USP24: variants seen among roughly 807,000 people sequenced by gnomAD.
USP24 encodes ubiquitin carboxyl-terminal hydrolase 24.
Under a neutral mutation model 361.6 loss-of-function variants are expected in USP24, and 97 were observed. The ratio of observed to expected loss-of-function variants is 0.27; its 90% CI spans 0.23 to 0.32. The LOEUF is 0.32. USP24 is among the 10% of genes least tolerant of loss of function. The pLI is 1.00. For missense variants in USP24, 2,353 were observed against 3,165.6 expected (o/e 0.74, Z 6.16); for synonymous variants, 1,098 against 1,124.6 (o/e 0.98, Z 0.47).
chr1:55,152,268 TCTC>T (rs1331799743), intron 16 of USP24, among the ~76,000 whole-genome samples: 4 of 152,106 alleles, frequency 2.6e-5, no homozygotes, highest in Admixed American at 6.6e-5. Flanking sequence ...CTCCAAAAAT[TCTC>T]CTTTTACTTT....
At chr1:55,162,412 G>A in intron 7 of USP24, 148 bp from the exon 8 acceptor site, 2 of 523,808 alleles carry the variant, frequency 3.8e-6, no homozygotes, top group Non-Finnish European at 3.2e-6. Context: ...CTAAACTCCT[G>A]GATAGAAAGA....
chr1:55,188,680 C>G (rs551579897), intron 1 of USP24, among the ~76,000 whole-genome samples: 1 of 151,882 alleles, frequency 6.6e-6, no homozygotes, highest in Non-Finnish European at 1.5e-5. Flanking sequence ...GGAAAGAAGC[C>G]GGGCATGGTG....
chr1:55,165,274 T>C (rs1648712176), intron 7 of USP24, among the ~76,000 whole-genome samples: 1 of 152,104 alleles, frequency 6.6e-6, no homozygotes, highest in Non-Finnish European at 1.5e-5. Flanking sequence ...TAGTTTTTAG[T>C]TGAATGATTA....
chr1:55,078,616 G>A lies in USP24; in HGVS notation c.7236C>T (p.Leu2412=), dbSNP rs529199378. ...ACACTACCATCTCAATGAGTGCCAA[G>A]AGCGAGCCTGTCAGCTCCCGCAAAG... ...MFALRELTGS[L]LALIEMVVYC... is the part of the protein sequence containing the mutation. Residue 2412 remains leucine, a synonymous_variant, in exon 61 of 68, where the codon CTC becomes CTT. Coordinates refer to ENST00000294383, the MANE Select transcript of USP24 (RefSeq NM_015306.3). 1.2e-6 allele frequency: 2 copies of A among 1,610,986 alleles called. No homozygotes were observed. The highest frequency in any genetic ancestry group is 2.2e-5 in the East Asian group (1 of 44,782).
chr1:55,079,177 G>T (rs1645091794), intron 60 of USP24, among the ~76,000 whole-genome samples: 1 of 152,112 alleles, frequency 6.6e-6, no homozygotes. Flanking sequence ...CCACACTCCT[G>T]AGGTTTAACA....
At position 55,083,261 on chromosome 1, in the gene USP24, G is replaced by T. The variant is rs138995515; in HGVS notation, c.6975+11C>A. 598 of 1,612,912 alleles carry T rather than the reference G, an allele frequency of 3.7e-4. 3 individuals are homozygous for T. The East Asian group carries it at 0.012, about 32-fold the overall frequency. On this transcript the variant is annotated intron_variant, in intron 58 of 67. Transcript: ENST00000294383. ...TAGCTATTCCACTAGGGATATAAAA[G>T]TAGTCCTTACCTGATTGTTTTGCCG...
At chr1:55,120,479 A>G in intron 38 of USP24, 117 bp downstream of exon 38, 1 of 1,249,848 alleles carries the variant, frequency 8.0e-7, no homozygotes, top group South Asian at 1.8e-5. Flanking sequence ...AAATTTCAGA[A>G]GAAGAAAGAA....
chr1:55,095,303 T>C lies in USP24; in HGVS notation c.6155A>G (p.Lys2052Arg), dbSNP rs1162427912. 2 of 1,613,652 alleles carry C rather than the reference T, an allele frequency of 1.2e-6. No homozygotes were observed. The highest frequency in any genetic ancestry group is 1.7e-6 in the Non-Finnish European group (2 of 1,179,826). ...CCGTACAACGCTGACTCGACTTTTC[T>C]TTGGTAATACTGGGGAGTTCTGATC... The part of the protein sequence containing the change: ...VSDQNSPVLP[K>R]KSRVSVVRQE... Residue 2052 changes from lysine to arginine, a missense_variant, in exon 51 of 68, where the codon AAG becomes AGG. Physicochemically the swap from Lys to Arg is conservative, Grantham distance 26 (BLOSUM62 2). Coordinates refer to ENST00000294383, the MANE Select transcript of USP24 (RefSeq NM_015306.3).
intron 58 of USP24, 113 bp downstream of exon 58, chr1:55,083,159 G>A: frequency 1.1e-6 from 1 of 950,276 alleles, no homozygotes; most frequent in Non-Finnish European, 1.5e-6. Flanking sequence ...AAGTCTCTAT[G>A]GTACTACTAC....
intron 41 of USP24, among the ~76,000 whole-genome samples, chr1:55,105,157 A>G (rs541959170): frequency 6.6e-5 from 10 of 152,300 alleles, no homozygotes; most frequent in South Asian, 2.1e-4. Context: ...TGCTAAAGAT[A>G]TATCTTTTGT....
rs1234296881 is a variant in USP24 at position 55,107,280 on chromosome 1, T to G, written c.4721A>C (p.Lys1574Thr). 6.2e-7 allele frequency: 1 copy of G among 1,613,768 alleles called. No individual in the cohort carries two copies. The highest frequency in any genetic ancestry group is 1.7e-5 in the Admixed American group (1 of 59,962). ...TGCCCCACAGAGTGAAAGAAGGGTC[T>G]TGATGAGGCGTAAGTGCCCTGCCAG... ...ILLAGHLRLIKTLLSLCGAEK... is the reference protein window; with the variant it reads ...ILLAGHLRLITTLLSLCGAEK... The change falls in exon 40 of 68, where the codon AAG becomes ACG. Residue 1574 changes from lysine (K) to threonine (T), a missense_variant. By Grantham distance (78) the Lys-to-Thr change is moderately conservative. Coordinates refer to ENST00000294383, the MANE Select transcript of USP24 (RefSeq NM_015306.3).
In USP24 at chr1:55,162,264, C is replaced by A; in HGVS notation, c.928G>T (p.Ala310Ser). The change falls in exon 8 of 68, where the codon GCT becomes TCT. Residue 310 changes from alanine (A) to serine (S), a missense_variant and splice_region_variant. Physicochemically the swap from Ala to Ser is moderately conservative, Grantham distance 99. Transcript: ENST00000294383. ...AAGGGCTGAATCAGTGCTGAGACAG[C>A]CTGGAAAAAGACAGTGAAGATTAAA... ...KLHSEDIELGAVSALIQPLGV... is the reference protein window; with the variant it reads ...KLHSEDIELGSVSALIQPLGV... 2 of 1,560,868 alleles carry A rather than the reference C, an allele frequency of 1.3e-6. No homozygotes were observed. Among genetic ancestry groups the A allele is most frequent in the South Asian group, 1.2e-5 (1 of 80,250 alleles).
At chr1:55,138,554 T>C in intron 26 of USP24, 54 bp downstream of exon 26, 1 of 1,336,384 alleles carries the variant, frequency 7.5e-7, no homozygotes, top group South Asian at 1.3e-5. Context: ...AAGACTGCTT[T>C]ATGAAAATAA....
intron 53 of USP24, 59 bp downstream of exon 53, chr1:55,092,762 G>T: frequency 7.9e-7 from 1 of 1,261,464 alleles, no homozygotes; most frequent in Non-Finnish European, 1.1e-6. Context: ...GAATGCTTTA[G>T]CTAAAGCATA....
At chr1:55,124,681 T>C in intron 34 of USP24, 53 bp from the exon 35 acceptor site, 3 of 1,585,346 alleles carry the variant, frequency 1.9e-6, no homozygotes, top group Non-Finnish European at 2.6e-6. Flanking sequence ...ACACATGCCC[T>C]GACATGTACA....
intron 18 of USP24, 50 bp downstream of exon 18, chr1:55,147,599 A>C (rs767355951): frequency 6.6e-7 from 1 of 1,512,742 alleles, no homozygotes; most frequent in Non-Finnish European, 8.8e-7. Flanking sequence ...AAGTATAAAA[A>C]GGTCAAATTA....
At chr1:55,135,980 G>A (rs1043703270) in intron 28 of USP24, among the ~76,000 whole-genome samples, 2 of 152,110 alleles carry the variant, frequency 1.3e-5, no homozygotes, top group African/African-American at 2.4e-5. Flanking sequence ...TTTAGGTGTC[G>A]AGGACGCAGC....
intron 1 of USP24, among the ~76,000 whole-genome samples, chr1:55,195,225 A>T (rs1294103462): frequency 6.6e-6 from 1 of 152,152 alleles, no homozygotes; most frequent in East Asian, 1.9e-4. Flanking sequence ...CCACTTTCCA[A>T]ACCTTCTGCT....
intron 52 of USP24, 78 bp downstream of exon 52, chr1:55,093,859 A>C: frequency 4.5e-6 from 7 of 1,565,742 alleles, no homozygotes; most frequent in Non-Finnish European, 6.1e-6. Flanking sequence ...AATCCAGCAG[A>C]AGTACTTCTG....
Sources: allele counts gnomAD v4.1 joint callset (sites outside exome capture counted in the v4.1 genomes callset), GRCh38; gene constraint gnomAD v4.1.1; transcripts MANE v1.5; gene names NCBI Gene and HGNC (gene_info 2026-07-23, HGNC 2026-07-21).